ULK4: variants seen among roughly 807,000 people sequenced by gnomAD.
ULK4 encodes inactive serine/threonine-protein kinase ULK4.
A neutral mutation model predicts 160.6 loss-of-function variants in ULK4; 133 were observed. The observed-to-expected ratio is 0.83, with a 90% confidence interval of 0.72 to 0.96. The LOEUF (loss-of-function observed/expected upper bound fraction) is 0.96, where lower values mean the gene tolerates loss of function less well. ULK4 is among the 40% of genes least tolerant of loss of function. ULK4 has a pLI of 0.00. For synonymous variants in ULK4, 534 were observed against 539.8 expected, an observed-to-expected ratio of 0.99 and a Z score of 0.15; for missense variants, 1,580 against 1,499.5, an observed-to-expected ratio of 1.05 and a Z score of -0.89.
intron 30 of ULK4, among the ~76,000 whole-genome samples, chr3:41,648,677 C>T (rs549020624): frequency 1.3e-5 from 2 of 152,136 alleles, no homozygotes; most frequent in Admixed American, 6.5e-5. Flanking sequence ...CTCAATTACC[C>T]CTCTCCACTT....
chr3:41,667,991 CT>C (rs1252136440), intron 29 of ULK4, among the ~76,000 whole-genome samples: 1 of 152,156 alleles, frequency 6.6e-6, no homozygotes, highest in Non-Finnish European at 1.5e-5. Context: ...TGGGAGAAAA[CT>C]GAAACTCGCT....
chr3:41,844,488 C>T (rs911714385), intron 17 of ULK4, among the ~76,000 whole-genome samples: 1 of 152,212 alleles, frequency 6.6e-6, no homozygotes, highest in African/African-American at 2.4e-5. Flanking sequence ...CATGCCCACC[C>T]AGAACTCCAG....
intron 22 of ULK4, among the ~76,000 whole-genome samples, chr3:41,731,530 A>G (rs575849368): frequency 1.3e-5 from 2 of 152,226 alleles, no homozygotes; most frequent in East Asian, 3.9e-4. Context: ...AGAAAAATTG[A>G]TATTGTTAAG....
At chr3:41,304,705 T>G (rs1167702744) in intron 35 of ULK4, among the ~76,000 whole-genome samples, 1 of 152,250 alleles carries the variant, frequency 6.6e-6, no homozygotes, top group Non-Finnish European at 1.5e-5. Context: ...GCAGTGATAC[T>G]GCAACTATGA....
At chr3:41,455,072 T>A (rs2125871202) in intron 34 of ULK4, among the ~76,000 whole-genome samples, 1 of 152,332 alleles carries the variant, frequency 6.6e-6, no homozygotes, top group Non-Finnish European at 1.5e-5. Flanking sequence ...TTTGCTTATT[T>A]CATTCCATTT....
chr3:41,599,849 G>A (rs1232371986), intron 31 of ULK4, among the ~76,000 whole-genome samples: 2 of 152,042 alleles, frequency 1.3e-5, no homozygotes, highest in East Asian at 3.9e-4. Flanking sequence ...ACAGGCGTGA[G>A]CCACCGTGCC....
chr3:41,822,081 T>C (rs547163104), intron 18 of ULK4, among the ~76,000 whole-genome samples: 2 of 152,308 alleles, frequency 1.3e-5, no homozygotes, highest in Middle Eastern at 3.4e-3. Context: ...GAATTATCTT[T>C]TTGGCATGCA....
At chr3:41,519,641 C>T (rs200172758) in intron 32 of ULK4, among the ~76,000 whole-genome samples, 2 of 152,050 alleles carry the variant, frequency 1.3e-5, no homozygotes, top group African/African-American at 4.8e-5. Context: ...TTAATGAAAG[C>T]CTTAAACATA....
chr3:41,322,005 T>C (rs1441939255), intron 35 of ULK4, among the ~76,000 whole-genome samples: 1 of 143,720 alleles, frequency 7.0e-6, no homozygotes, highest in African/African-American at 2.8e-5. Flanking sequence ...CTTCTTTTCA[T>C]TCCTGCTCTA....
At chr3:41,553,645 A>C (rs2087164433) in intron 32 of ULK4, among the ~76,000 whole-genome samples, 1 of 152,098 alleles carries the variant, frequency 6.6e-6, no homozygotes, top group African/African-American at 2.4e-5. Context: ...GTTGTTAGGA[A>C]TGTCAGTTAG....
intron 30 of ULK4, among the ~76,000 whole-genome samples, chr3:41,637,415 C>T (rs60659132): frequency 0.14 from 21,558 of 152,126 alleles, 2,041 homozygotes; most frequent in East Asian, 0.4. Flanking sequence ...TTGTGTATAT[C>T]TACCACATTT....
chr3:41,452,046 C>T (rs1200015395), intron 34 of ULK4, among the ~76,000 whole-genome samples: 1 of 152,180 alleles, frequency 6.6e-6, no homozygotes, highest in Non-Finnish European at 1.5e-5. Context: ...TCACCTTCCT[C>T]CCTGATTACT....
intron 5 of ULK4, among the ~76,000 whole-genome samples, chr3:41,927,526 T>A (rs940827632): frequency 6.6e-6 from 1 of 152,068 alleles, no homozygotes; most frequent in African/African-American, 2.4e-5. Flanking sequence ...ACAAGCTGAA[T>A]GCCCCAATTA....
chr3:41,288,587 G>A (rs144259765), intron 35 of ULK4, among the ~76,000 whole-genome samples: 3 of 152,316 alleles, frequency 2.0e-5, no homozygotes, highest in African/African-American at 7.2e-5. Context: ...TCAAGAAAGA[G>A]AAGCCAGGCA....
intron 31 of ULK4, among the ~76,000 whole-genome samples, chr3:41,588,895 C>T (rs2031038946): frequency 1.3e-5 from 2 of 152,176 alleles, no homozygotes; most frequent in South Asian, 2.1e-4. Flanking sequence ...GACTCAATCG[C>T]TATTTCCATT....
At position 41,954,718 on chromosome 3, in the gene ULK4, G is replaced by C. The variant is rs771485962; in HGVS notation, c.42C>G (p.Ser14Arg). Residue 14 changes from serine to arginine, a missense_variant, in exon 2 of 37, where the codon AGC becomes AGG. Coordinates refer to ENST00000301831, the MANE Select transcript of ULK4 (RefSeq NM_017886.4). ...FILYEEIGRG[S>R]KTVVYKGRRK... is the part of the protein sequence containing the mutation. ...GTCGCCCTTTATAGACAACAGTCTT[G>C]CTTCCTCTTCCGATCTCCTCATACA... The C allele has an allele frequency of 5.6e-6, 9 of 1,613,888 alleles. No homozygotes were observed. The East Asian group carries it at 1.6e-4, about 28-fold the overall frequency.
At chr3:41,440,120 A>G (rs893695084) in intron 34 of ULK4, among the ~76,000 whole-genome samples, 4 of 152,184 alleles carry the variant, frequency 2.6e-5, no homozygotes, top group African/African-American at 9.7e-5. Context: ...AATTTTCAAC[A>G]TAGACATCAT....
intron 16 of ULK4, among the ~76,000 whole-genome samples, chr3:41,886,604 C>G (rs1280174842): frequency 6.7e-6 from 1 of 149,434 alleles, no homozygotes; most frequent in Non-Finnish European, 1.5e-5. Context: ...TGGAGTCTTG[C>G]TCTGTCACCC....
chr3:41,880,472 G>A (rs1277020028), intron 17 of ULK4, among the ~76,000 whole-genome samples: 2 of 152,132 alleles, frequency 1.3e-5, no homozygotes, highest in African/African-American at 4.8e-5. Flanking sequence ...CATTTTTTCT[G>A]TCTCTTTATA....
Sources: gnomAD v4.1 joint callset for allele counts (sites outside exome capture counted in the v4.1 genomes callset) on GRCh38, gnomAD v4.1.1 for gene constraint, MANE v1.5 for transcripts, NCBI Gene and HGNC (gene_info 2026-07-23, HGNC 2026-07-21) for gene names.